CIMAP1D: variants seen among roughly 807,000 people sequenced by gnomAD.
The protein encoded by CIMAP1D is CIMAP1 family member D.
the CIMAP1D span, among the ~76,000 whole-genome samples, chr19:481,461 T>TA: frequency 2.9e-3 from 91 of 31,546 alleles, no homozygotes; most frequent in East Asian, 0.033. Context: ...GGAAGGATGA[T>TA]GGGAAGGATG....
chr19:485,479 G>A, the CIMAP1D span, among the ~76,000 whole-genome samples: 23 of 152,212 alleles, frequency 1.5e-4, no homozygotes, highest in South Asian at 4.1e-4. Context: ...AAGTCCCACC[G>A]TTCTTTTCTC....
chr19:484,139 C>CT, the CIMAP1D span, among the ~76,000 whole-genome samples: 3,651 of 129,360 alleles, frequency 0.028, 149 homozygotes, highest in African/African-American at 0.078. Flanking sequence ...TTTTCTTTTT[C>CT]TTTTTTTTTT....
chr19:488,632 G>GA, the CIMAP1D span, among the ~76,000 whole-genome samples: 1 of 147,092 alleles, frequency 6.8e-6, no homozygotes, highest in African/African-American at 2.7e-5. Flanking sequence ...CGGTGACCCT[G>GA]ACCCGCGAAG....
At chr19:482,636 A>G in the CIMAP1D span, among the ~76,000 whole-genome samples, 1 of 152,202 alleles carries the variant, frequency 6.6e-6, no homozygotes, top group African/African-American at 2.4e-5. Flanking sequence ...TTACTCATGC[A>G]GAACGGCTCT....
the CIMAP1D span, among the ~76,000 whole-genome samples, chr19:481,400 G>GAAGGATGATGGAGAAGGATGATGA: frequency 9.8e-5 from 12 of 121,986 alleles, no homozygotes; most frequent in East Asian, 1.8e-3. Context: ...AGGATGATGG[G>GAAGGATGATGGAGAAGGATGATGA]GAAGGATGAT....
chr19:464,299 T>A, the CIMAP1D span: 1 of 1,541,534 alleles, frequency 6.5e-7, no homozygotes, highest in Non-Finnish European at 8.7e-7. Context: ...GCCGGCGGTG[T>A]CCGATGGCGC....
At chr19:464,273 G>T in the CIMAP1D span, 1 of 1,538,212 alleles carries the variant, frequency 6.5e-7, no homozygotes. Context: ...GGGGGAGGCG[G>T]CAGCCCAGGG....
the CIMAP1D span, among the ~76,000 whole-genome samples, chr19:470,798 G>A: frequency 1.3e-5 from 2 of 152,264 alleles, no homozygotes; most frequent in Non-Finnish European, 2.9e-5. Context: ...GAGACCTGCT[G>A]GCCCGTGGTA....
At chr19:466,706 G>A in the CIMAP1D span, among the ~76,000 whole-genome samples, 4 of 143,634 alleles carry the variant, frequency 2.8e-5, no homozygotes, top group Admixed American at 7.0e-5. Context: ...AGATGGTTGG[G>A]TGGAGGGTGG....
chr19:485,091 G>C, the CIMAP1D span, among the ~76,000 whole-genome samples: 7 of 152,148 alleles, frequency 4.6e-5, no homozygotes, highest in African/African-American at 1.2e-4. Context: ...AGGGGAGTGA[G>C]AGGAGGGGAG....
At chr19:474,196 C>T in the CIMAP1D span, among the ~76,000 whole-genome samples, 1 of 152,206 alleles carries the variant, frequency 6.6e-6, no homozygotes, top group African/African-American at 2.4e-5. Context: ...GCGGCCCGTC[C>T]TGGGCCCTCA....
chr19:477,623 C>T, the CIMAP1D span, among the ~76,000 whole-genome samples: 6 of 152,118 alleles, frequency 3.9e-5, 1 homozygote, highest in Admixed American at 3.9e-4. Flanking sequence ...ACGCCTCCTC[C>T]CCATCCCAAA....
the CIMAP1D span, among the ~76,000 whole-genome samples, chr19:491,162 A>C: frequency 6.6e-5 from 10 of 151,032 alleles, no homozygotes; most frequent in Non-Finnish European, 8.8e-5. Context: ...CTATAATCCC[A>C]GCTACTCAGG....
At chr19:487,721 A>G in the CIMAP1D span, among the ~76,000 whole-genome samples, 1 of 151,032 alleles carries the variant, frequency 6.6e-6, no homozygotes, top group Non-Finnish European at 1.5e-5. Context: ...CAGGAGTTCG[A>G]GACCAGCCTG....
At chr19:474,916 C>G in the CIMAP1D span, 3 of 530,432 alleles carry the variant, frequency 5.7e-6, no homozygotes, top group Non-Finnish European at 9.0e-6. Flanking sequence ...AGCAGGGAGT[C>G]GTGGGGCCCT....
the CIMAP1D span, among the ~76,000 whole-genome samples, chr19:484,627 T>G: frequency 6.6e-6 from 1 of 152,334 alleles, no homozygotes; most frequent in Non-Finnish European, 1.5e-5. Flanking sequence ...GATGCCCAGC[T>G]GTGCAGACAT....
At chr19:467,579 G>T in the CIMAP1D span, 14 of 951,864 alleles carry the variant, frequency 1.5e-5, no homozygotes, top group Non-Finnish European at 2.4e-5. Flanking sequence ...GGGGAGGGAG[G>T]ACAGGGCAGG....
the CIMAP1D span, chr19:467,692 G>T: frequency 1.2e-6 from 2 of 1,612,324 alleles, no homozygotes; most frequent in Non-Finnish European, 1.7e-6. Flanking sequence ...CAGGGGTGCA[G>T]CTGCGGCCAA....
At chr19:471,197 G>GGAGT in the CIMAP1D span, among the ~76,000 whole-genome samples, 1 of 152,186 alleles carries the variant, frequency 6.6e-6, no homozygotes, top group African/African-American at 2.4e-5. Flanking sequence ...CGCCCAGGCT[G>GGAGT]GAGTGCAATG....
Sources: gnomAD v4.1 joint callset for allele counts (sites outside exome capture counted in the v4.1 genomes callset) on GRCh38, gnomAD v4.1.1 for gene constraint, MANE v1.5 for transcripts, NCBI Gene and HGNC (gene_info 2026-07-23, HGNC 2026-07-21) for gene names.